RYR2: variants seen among roughly 807,000 people sequenced by gnomAD.
RYR2 encodes the protein ryanodine receptor 2.
RYR2 carries 227 observed loss-of-function variants against 601.1 expected under a neutral mutation model. The ratio of observed to expected loss-of-function variants is 0.38; its 90% CI spans 0.34 to 0.42. RYR2 has a LOEUF of 0.42. Ranked by LOEUF, RYR2 falls within the 10% of genes least tolerant of loss-of-function variation. RYR2 has a pLI of 1.00. For synonymous variants in RYR2, 2,223 were observed against 2,175.1 expected (o/e 1.02, Z -0.61); for missense variants, 4,646 against 6,156.5 (o/e 0.75, Z 8.21).
intron 1 of RYR2, among the ~76,000 whole-genome samples, chr1:237,107,028 G>T (rs1668758922): frequency 6.6e-6 from 1 of 152,236 alleles, no homozygotes; most frequent in Non-Finnish European, 1.5e-5. Context: ...ACAAAGGGAG[G>T]TTAATTTGGA....
At chr1:237,223,747 G>T (rs1684074602) in intron 1 of RYR2, among the ~76,000 whole-genome samples, 2 of 152,068 alleles carry the variant, frequency 1.3e-5, no homozygotes, top group Non-Finnish European at 2.9e-5. Context: ...CAGTCTATCG[G>T]GCAGTTTACA....
At chr1:237,739,768 A>G (rs1313194857) in intron 79 of RYR2, among the ~76,000 whole-genome samples, 1 of 152,122 alleles carries the variant, frequency 6.6e-6, no homozygotes, top group Non-Finnish European at 1.5e-5. Context: ...TTGATTCCTT[A>G]GTCTTCTGCG....
intron 8 of RYR2, among the ~76,000 whole-genome samples, chr1:237,383,913 A>C (rs893970741): frequency 9.0e-4 from 137 of 152,060 alleles, no homozygotes; most frequent in African/African-American, 3.2e-3. Flanking sequence ...GTGGTTACAT[A>C]TTTCAGCCTA....
intron 24 of RYR2, among the ~76,000 whole-genome samples, chr1:237,519,307 G>C (rs542713843): frequency 6.6e-6 from 1 of 152,054 alleles, no homozygotes; most frequent in East Asian, 1.9e-4. Flanking sequence ...GTCTATTTTT[G>C]TTTTTGTTGC....
chr1:237,673,452 TAGTA>T (rs1276819012), intron 58 of RYR2, among the ~76,000 whole-genome samples: 7 of 152,310 alleles, frequency 4.6e-5, no homozygotes, highest in African/African-American at 1.2e-4. Flanking sequence ...AGACTACTTT[TAGTA>T]AGTATTATCA....
intron 1 of RYR2, among the ~76,000 whole-genome samples, chr1:237,215,447 T>C (rs925881678): frequency 1.3e-5 from 2 of 152,214 alleles, no homozygotes; most frequent in African/African-American, 4.8e-5. Context: ...ACTCCTGGAA[T>C]CATATGAAGT....
rs762506324 is a variant in RYR2, at chr1:237,658,623, T to C, written c.8208+601T>C. Among the ~76,000 whole-genome samples, 23 of 152,184 alleles carry C rather than the reference T, an allele frequency of 1.5e-4. 1 individual carries two copies. The highest frequency in any genetic ancestry group is 6.5e-5 in the Admixed American group (1 of 15,272). ...GCCCAGGCTGGTCTCCAACTGTTGT[T>C]GGCCTCAAGCAGTTGTTCAGCCAGC... On this transcript the variant is annotated intron_variant, in intron 54 of 104. Coordinates refer to ENST00000366574, the MANE Select transcript of RYR2 (RefSeq NM_001035.3).
intron 1 of RYR2, among the ~76,000 whole-genome samples, chr1:237,186,361 C>G (rs113480359): frequency 5.9e-5 from 9 of 152,134 alleles, no homozygotes; most frequent in African/African-American, 1.7e-4. Context: ...AAGTATCGTA[C>G]TAAGGTCCTG....
At chr1:237,568,537 G>T (rs928088141) in intron 28 of RYR2, among the ~76,000 whole-genome samples, 1 of 152,066 alleles carries the variant, frequency 6.6e-6, no homozygotes, top group African/African-American at 2.4e-5. Context: ...TCAATTTTTG[G>T]CTTGTTACTT....
At chr1:237,189,637 T>G (rs1679745585) in intron 1 of RYR2, among the ~76,000 whole-genome samples, 1 of 152,206 alleles carries the variant, frequency 6.6e-6, no homozygotes. Context: ...GGTGGCAGTC[T>G]GCCACCTGGA....
At chr1:237,368,586 T>C (rs1700383636) in intron 5 of RYR2, among the ~76,000 whole-genome samples, 1 of 152,128 alleles carries the variant, frequency 6.6e-6, no homozygotes, top group African/African-American at 2.4e-5. Flanking sequence ...CTTCTCTGTG[T>C]CTACCCCAGA....
intron 1 of RYR2, among the ~76,000 whole-genome samples, chr1:237,214,855 G>A (rs2152884): frequency 0.24 from 36,035 of 152,024 alleles, 4,607 homozygotes; most frequent in East Asian, 0.41. Flanking sequence ...CAAAATTGAT[G>A]TGAGAAATGT....
chr1:237,795,871 T>TAC (rs1328701935), intron 96 of RYR2, among the ~76,000 whole-genome samples: 4,074 of 145,044 alleles, frequency 0.028, 199 homozygotes, highest in African/African-American at 0.099. Flanking sequence ...TATATATATA[T>TAC]ATACACATAT....
At chr1:237,329,142 C>A (rs1696459203) in intron 2 of RYR2, among the ~76,000 whole-genome samples, 1 of 152,094 alleles carries the variant, frequency 6.6e-6, no homozygotes, top group Admixed American at 6.6e-5. Flanking sequence ...AATGCATTCA[C>A]AATTTAATCA....
At chr1:237,570,632 C>G (rs1283080168) in intron 29 of RYR2, among the ~76,000 whole-genome samples, 2 of 152,048 alleles carry the variant, frequency 1.3e-5, no homozygotes, top group Non-Finnish European at 2.9e-5. Flanking sequence ...AGCCACCATG[C>G]CCGGCCTAAA....
chr1:237,320,411 G>T (rs1695516439), intron 2 of RYR2, among the ~76,000 whole-genome samples: 2 of 152,104 alleles, frequency 1.3e-5, no homozygotes, highest in South Asian at 4.1e-4. Flanking sequence ...CTCCTTCAGA[G>T]CCAAATTATG....
rs930129571 is a variant in RYR2 at position 237,371,988 on chromosome 1, G to A, written c.384+2380G>A. ...GTGCAGCACACCAACATGGCACATG[G>A]CACATGTATACGTATGTAACAAACC... On this transcript the variant is annotated intron_variant, in intron 6 of 104. Transcript: ENST00000366574. 5.3e-5 allele frequency among the ~76,000 whole-genome samples: 8 copies of A among 152,154 alleles called. No homozygotes were observed. In the East Asian group the frequency reaches 1.5e-3, roughly 29 times the overall value.
rs906635432 is a variant in RYR2 at position 237,669,695 on chromosome 1, G to T, written c.8590+1737G>T. Among the ~76,000 whole-genome samples the T allele has an allele frequency of 1.2e-4, 18 of 151,920 alleles. No homozygotes were observed. In the South Asian group the frequency reaches 1.5e-3, roughly 12 times the overall value. ...GTCCCCACATCTCAGAGGATGGGCG[G>T]CCGGGCAGAGACGCTCCTCACTTCC... is the stretch of plus-strand genomic sequence containing the variant. On this transcript the variant is annotated intron_variant, in intron 58 of 104. Coordinates refer to ENST00000366574, the MANE Select transcript of RYR2 (RefSeq NM_001035.3).
chr1:237,395,695 C>T (rs1037816596), intron 10 of RYR2, among the ~76,000 whole-genome samples: 4 of 151,710 alleles, frequency 2.6e-5, no homozygotes, highest in Admixed American at 2.0e-4. Context: ...TACAGGCACC[C>T]GCCACCACGC....
Sources: gnomAD v4.1 joint callset for allele counts (sites outside exome capture counted in the v4.1 genomes callset) on GRCh38, gnomAD v4.1.1 for gene constraint, MANE v1.5 for transcripts, NCBI Gene and HGNC (gene_info 2026-07-23, HGNC 2026-07-21) for gene names.